PLPPR5: variants seen among roughly 807,000 people sequenced by gnomAD.
PLPPR5 encodes phospholipid phosphatase-related protein type 5.
A neutral mutation model predicts 33.9 loss-of-function variants in PLPPR5; 16 were observed. The observed-to-expected ratio is 0.47, with a 90% CI of 0.32 to 0.72. The LOEUF is 0.72. Ranked by LOEUF, PLPPR5 falls within the 30% of genes least tolerant of loss-of-function variation. The pLI is 0.03. For synonymous variants in PLPPR5, 163 were observed against 150.3 expected (o/e 1.08, Z -0.62); for missense variants, 301 against 406.7 (o/e 0.74, Z 2.23).
intron 1 of PLPPR5, among the ~76,000 whole-genome samples, chr1:98,985,690 T>C (rs1652234706): frequency 6.6e-6 from 1 of 152,060 alleles, no homozygotes; most frequent in Admixed American, 6.6e-5. Context: ...TCTGTTTAAA[T>C]ATGTTTATAT....
chr1:98,915,744 A>G (rs539048314), intron 4 of PLPPR5, among the ~76,000 whole-genome samples: 2 of 152,248 alleles, frequency 1.3e-5, no homozygotes, highest in Admixed American at 6.5e-5. Flanking sequence ...ACATATTCCT[A>G]AGCCCTCCCC....
At chr1:98,916,656 T>C (rs1339617448) in intron 4 of PLPPR5, among the ~76,000 whole-genome samples, 1 of 152,214 alleles carries the variant, frequency 6.6e-6, no homozygotes, top group Non-Finnish European at 1.5e-5. Flanking sequence ...TCAAATTTGG[T>C]CTGTGGGCTG....
At chr1:98,999,842 G>C (rs1019195037) in intron 1 of PLPPR5, among the ~76,000 whole-genome samples, 1 of 152,196 alleles carries the variant, frequency 6.6e-6, no homozygotes, top group Non-Finnish European at 1.5e-5. Flanking sequence ...GAGCTTCCTG[G>C]AGTGGCAGAT....
intron 5 of PLPPR5, among the ~76,000 whole-genome samples, chr1:98,907,052 TC>T (rs1248895288): frequency 7.2e-5 from 11 of 152,202 alleles, no homozygotes; most frequent in Admixed American, 5.2e-4. Flanking sequence ...ACAGTTTTAA[TC>T]CCACCACGGC....
At chr1:98,979,067 A>G (rs957870620) in intron 1 of PLPPR5, among the ~76,000 whole-genome samples, 1 of 152,026 alleles carries the variant, frequency 6.6e-6, no homozygotes, top group African/African-American at 2.4e-5. Flanking sequence ...CCTGATACTC[A>G]TTTATACGTA....
chr1:98,973,468 T>C (rs962852087), intron 1 of PLPPR5, among the ~76,000 whole-genome samples: 2 of 151,888 alleles, frequency 1.3e-5, no homozygotes, highest in African/African-American at 2.4e-5. Context: ...CAGGGTTATG[T>C]TGATCACAAG....
At chr1:98,949,783 G>A (rs1650707163) in intron 3 of PLPPR5, among the ~76,000 whole-genome samples, 1 of 152,150 alleles carries the variant, frequency 6.6e-6, no homozygotes, top group Admixed American at 6.6e-5. Flanking sequence ...TATATTCAGA[G>A]TTGCCATAGC....
intron 1 of PLPPR5, among the ~76,000 whole-genome samples, chr1:98,957,444 GAAGC>G (rs1449799159): frequency 6.6e-6 from 1 of 151,586 alleles, no homozygotes; most frequent in East Asian, 1.9e-4. Context: ...GATATGTAAG[GAAGC>G]ACTCATTTAT....
At chr1:98,957,741 C>T (rs1651067414) in intron 1 of PLPPR5, among the ~76,000 whole-genome samples, 1 of 152,144 alleles carries the variant, frequency 6.6e-6, no homozygotes, top group African/African-American at 2.4e-5. Context: ...TTCATTAAAA[C>T]CATATGAAAC....
At chr1:98,988,585 A>G (rs1412776064) in intron 1 of PLPPR5, among the ~76,000 whole-genome samples, 1 of 152,074 alleles carries the variant, frequency 6.6e-6, no homozygotes, top group East Asian at 1.9e-4. Flanking sequence ...GGACAACTCA[A>G]TTTAAATTTC....
At chr1:98,975,785 C>T (rs1238455882) in intron 1 of PLPPR5, among the ~76,000 whole-genome samples, 1 of 151,988 alleles carries the variant, frequency 6.6e-6, no homozygotes, top group African/African-American at 2.4e-5. Context: ...GACCCAAGCT[C>T]TACCGAACCA....
At chr1:98,983,596 T>C (rs1570754910) in intron 1 of PLPPR5, among the ~76,000 whole-genome samples, 7 of 151,626 alleles carry the variant, frequency 4.6e-5, no homozygotes, top group Admixed American at 4.0e-4. Flanking sequence ...CCTTTGGGTA[T>C]ATACCCAGTA....
intron 1 of PLPPR5, among the ~76,000 whole-genome samples, chr1:98,959,349 G>A (rs556488265): frequency 3.3e-5 from 5 of 152,160 alleles, no homozygotes; most frequent in African/African-American, 4.8e-5. Context: ...CGGAATTTCC[G>A]ATTTGTGTCC....
chr1:98,909,085 G>A (rs1649017318), intron 5 of PLPPR5, among the ~76,000 whole-genome samples: 1 of 151,860 alleles, frequency 6.6e-6, no homozygotes, highest in African/African-American at 2.4e-5. Flanking sequence ...AGAAAGGAAA[G>A]AAGAAAGGAA....
intron 1 of PLPPR5, among the ~76,000 whole-genome samples, chr1:98,987,492 A>G (rs1402514418): frequency 1.3e-5 from 2 of 151,920 alleles, no homozygotes; most frequent in Non-Finnish European, 2.9e-5. Flanking sequence ...CCATTATCAT[A>G]GTGAACTCAA....
At chr1:98,959,698 G>A (rs12068289) in intron 1 of PLPPR5, among the ~76,000 whole-genome samples, 20,185 of 152,010 alleles carry the variant, frequency 0.13, 1,541 homozygotes, top group East Asian at 0.39. Context: ...TTGTCAGCTC[G>A]GTCCAAGGAA....
intron 3 of PLPPR5, among the ~76,000 whole-genome samples, chr1:98,947,818 T>C (rs928986467): frequency 1.3e-5 from 2 of 152,204 alleles, no homozygotes; most frequent in African/African-American, 4.8e-5. Context: ...CCAGTTGTCA[T>C]AATAATAGTA....
chr1:98,894,190 A>G (rs1648387667), intron 5 of PLPPR5, among the ~76,000 whole-genome samples: 1 of 152,080 alleles, frequency 6.6e-6, no homozygotes, highest in Non-Finnish European at 1.5e-5. Context: ...AGGAGTGAGC[A>G]GAGCATGCTG....
At chr1:98,976,749 T>C (rs1487565381) in intron 1 of PLPPR5, among the ~76,000 whole-genome samples, 2 of 152,094 alleles carry the variant, frequency 1.3e-5, no homozygotes, top group African/African-American at 4.8e-5. Flanking sequence ...GTATATTGAT[T>C]ACATGTTAGA....
Sources: allele counts gnomAD v4.1 joint callset (sites outside exome capture counted in the v4.1 genomes callset), GRCh38; gene constraint gnomAD v4.1.1; transcripts MANE v1.5; gene names NCBI Gene and HGNC (gene_info 2026-07-23, HGNC 2026-07-21).